The following STYXL1 variants were observed in gnomAD, a reference collection of about 807,000 sequenced individuals.
STYXL1 encodes the protein serine/threonine/tyrosine-interacting-like protein 1.
A neutral mutation model predicts 36.4 loss-of-function variants in STYXL1; 32 were observed. The observed-to-expected ratio is 0.88, with a 90% CI of 0.66 to 1.18. STYXL1 has a LOEUF of 1.18. STYXL1 is among the 50% of genes most tolerant of loss of function. STYXL1 has a pLI of 0.00. For missense variants in STYXL1, 354 were observed against 394.1 expected, an observed-to-expected ratio of 0.90 and a Z score of 0.86; for synonymous variants, 133 against 144.1, an observed-to-expected ratio of 0.92 and a Z score of 0.55.
At chr7:76,015,656 G>C (rs1346782710) in intron 4 of STYXL1, among the ~76,000 whole-genome samples, 1 of 152,208 alleles carries the variant, frequency 6.6e-6, no homozygotes, top group African/African-American at 2.4e-5. Context: ...ATAAGGAACT[G>C]AAATCAAGAA....
At chr7:76,039,201 G>C (rs1554581536) in intron 1 of STYXL1, among the ~76,000 whole-genome samples, 3 of 149,312 alleles carry the variant, frequency 2.0e-5, no homozygotes. Flanking sequence ...ATCCCGAAGT[G>C]CTGGGATTAC....
At chr7:76,028,036 GAT>G (rs1211243054) in intron 3 of STYXL1, among the ~76,000 whole-genome samples, 1 of 151,896 alleles carries the variant, frequency 6.6e-6, no homozygotes, top group Non-Finnish European at 1.5e-5. Context: ...GAGCCCAGGA[GAT>G]ATATATATAT....
chr7:75,999,551 G>GTGTGTGTGTGTGTATA (rs1421403301), intron 8 of STYXL1, among the ~76,000 whole-genome samples: 1 of 80,060 alleles, frequency 1.2e-5, no homozygotes. Context: ...GTGTGTGTGT[G>GTGTGTGTGTGTGTATA]TATATTTTTT....
At chr7:76,031,051 C>T (rs1477013072) in intron 1 of STYXL1, among the ~76,000 whole-genome samples, 4 of 151,756 alleles carry the variant, frequency 2.6e-5, no homozygotes, top group Admixed American at 1.3e-4. Context: ...GTCCCAGCTA[C>T]TCAGGGGGCT....
intron 5 of STYXL1, among the ~76,000 whole-genome samples, chr7:76,008,110 A>C (rs1792043027): frequency 6.8e-6 from 1 of 147,442 alleles, no homozygotes; most frequent in Non-Finnish European, 1.5e-5. Flanking sequence ...GGGGCAGGAG[A>C]ATCACTTGAA....
chr7:76,043,869 GAATTA>G (rs553769454), intron 1 of STYXL1: 5 of 152,300 alleles, frequency 3.3e-5, no homozygotes, highest in Admixed American at 6.5e-5. Flanking sequence ...CTTTACCTTT[GAATTA>G]AATTCCTAGT....
intron 1 of STYXL1, among the ~76,000 whole-genome samples, chr7:76,043,125 C>T (rs529157251): frequency 1.8e-4 from 27 of 152,232 alleles, no homozygotes; most frequent in Middle Eastern, 3.4e-3. Context: ...AGCTATTTTA[C>T]TCATTTATTT....
intron 1 of STYXL1, among the ~76,000 whole-genome samples, chr7:76,038,380 C>T (rs150159974): frequency 0.016 from 2,343 of 147,624 alleles, 216 homozygotes; most frequent in Non-Finnish European, 0.025. Flanking sequence ...TATGTGACTT[C>T]GAGGCTGTCA....
intron 8 of STYXL1, among the ~76,000 whole-genome samples, chr7:75,999,938 A>G (rs1428228806): frequency 6.6e-6 from 1 of 152,058 alleles, no homozygotes; most frequent in Non-Finnish European, 1.5e-5. Context: ...GCTGGGTCAG[A>G]ACAGGCCCTG....
chr7:76,038,419 G>T, intron 1 of STYXL1, among the ~76,000 whole-genome samples: 2 of 57,974 alleles, frequency 3.4e-5, no homozygotes, highest in East Asian at 4.2e-4. Context: ...GGAATTGAAT[G>T]ACATTTTTTT....
intron 1 of STYXL1, among the ~76,000 whole-genome samples, chr7:76,040,410 C>T (rs2116480434): frequency 6.6e-6 from 1 of 152,350 alleles, no homozygotes; most frequent in Non-Finnish European, 1.5e-5. Flanking sequence ...CAATCAGCGA[C>T]TCTCAGCTCT....
At chr7:76,031,922 T>TAG (rs1554579471) in intron 1 of STYXL1, among the ~76,000 whole-genome samples, 1 of 152,144 alleles carries the variant, frequency 6.6e-6, no homozygotes. Flanking sequence ...GGTTATAGTC[T>TAG]AGCATGGAAT....
At chr7:76,010,703 C>T (rs969725014) in intron 5 of STYXL1, among the ~76,000 whole-genome samples, 3 of 152,260 alleles carry the variant, frequency 2.0e-5, no homozygotes, top group South Asian at 4.1e-4. Flanking sequence ...CTGGGCCCTA[C>T]TGCCAAAGGT....
intron 1 of STYXL1, among the ~76,000 whole-genome samples, chr7:76,047,149 T>C (rs1797231868): frequency 6.6e-6 from 1 of 151,890 alleles, no homozygotes; most frequent in South Asian, 2.1e-4. Context: ...TAATCCCAGC[T>C]ACTCAGGAGA....
At chr7:76,045,963 A>C (rs2116559764) in intron 1 of STYXL1, 1 of 152,340 alleles carries the variant, frequency 6.6e-6, no homozygotes, top group African/African-American at 2.4e-5. Flanking sequence ...AGAGGAGTAA[A>C]TAATTACCAG....
chr7:76,016,724 A>C (rs905499853), intron 4 of STYXL1, among the ~76,000 whole-genome samples: 1 of 152,186 alleles, frequency 6.6e-6, no homozygotes, highest in Non-Finnish European at 1.5e-5. Context: ...TTTATTAGAA[A>C]GCCAAAAAAT....
At chr7:76,024,010 C>A (rs1399676012) in intron 3 of STYXL1, among the ~76,000 whole-genome samples, 1 of 152,044 alleles carries the variant, frequency 6.6e-6, no homozygotes, top group Admixed American at 6.6e-5. Context: ...GAAACTGTCT[C>A]AAAACAACAA....
chr7:76,017,880 A>AAAAAAAAAAAAAAAAAAAAAC (rs1585245062), intron 4 of STYXL1, among the ~76,000 whole-genome samples: 1 of 147,414 alleles, frequency 6.8e-6, no homozygotes, highest in African/African-American at 2.5e-5. Flanking sequence ...AAAAAAAAAA[A>AAAAAAAAAAAAAAAAAAAAAC]AGGCAAGACA....
chr7:76,035,877 C>T (rs1461268794), intron 1 of STYXL1, among the ~76,000 whole-genome samples: 1 of 149,854 alleles, frequency 6.7e-6, no homozygotes, highest in Non-Finnish European at 1.5e-5. Flanking sequence ...TTCTGCAGAT[C>T]CTTCTCCTTC....
Sources: allele counts gnomAD v4.1 joint callset (sites outside exome capture counted in the v4.1 genomes callset), GRCh38; gene constraint gnomAD v4.1.1; transcripts MANE v1.5; gene names NCBI Gene and HGNC (gene_info 2026-07-23, HGNC 2026-07-21).